The following CASK variants were observed in gnomAD, a reference collection of about 807,000 sequenced individuals.
CASK encodes the protein calcium/calmodulin dependent serine protein kinase, also known as peripheral plasma membrane protein CASK.
Under a neutral mutation model 82.9 loss-of-function variants are expected in CASK, and 4 were observed. The ratio of observed to expected loss-of-function variants is 0.05; its 90% CI spans 0.02 to 0.11. The LOEUF is 0.11. Ranked by LOEUF, CASK falls within the 10% of genes least tolerant of loss-of-function variation. CASK has a pLI of 1.00. For missense variants in CASK, 358 were observed against 720.9 expected (o/e 0.50, Z 5.76); for synonymous variants, 259 against 253.5 (o/e 1.02, Z -0.20).
At chrX:41,865,372 C>CT (rs1480497064) in intron 1 of CASK, among the ~76,000 whole-genome samples, 2 of 110,283 alleles carry the variant, frequency 1.8e-5, no homozygotes, top group Admixed American at 1.9e-4. Flanking sequence ...ATTCTTGACC[C>CT]TTTTTTTTTC....
intron 12 of CASK, among the ~76,000 whole-genome samples, chrX:41,604,853 G>A (rs1466597942): frequency 1.8e-5 from 2 of 112,161 alleles, no homozygotes; most frequent in African/African-American, 3.2e-5. Flanking sequence ...CAAATATTTA[G>A]AGTTTTCTGT....
intron 3 of CASK, among the ~76,000 whole-genome samples, chrX:41,749,225 G>C (rs2068745695): frequency 1.9e-5 from 2 of 107,887 alleles, no homozygotes; most frequent in South Asian, 4.3e-4. Context: ...GGAAGCAGAG[G>C]TTGCAGTGAG....
intron 2 of CASK, among the ~76,000 whole-genome samples, chrX:41,848,925 C>G (rs1261653268): frequency 8.9e-6 from 1 of 111,857 alleles, no homozygotes; most frequent in African/African-American, 3.3e-5. Flanking sequence ...TAAATTATTC[C>G]TGGATAGCTG....
intron 2 of CASK, among the ~76,000 whole-genome samples, chrX:41,830,466 A>T (rs1488363506): frequency 1.8e-5 from 2 of 111,484 alleles, no homozygotes; most frequent in Non-Finnish European, 3.8e-5. Flanking sequence ...ATTAATAGCA[A>T]GCTGTACAAC....
At chrX:41,629,723 T>C (rs1325409783) in intron 9 of CASK, among the ~76,000 whole-genome samples, 2 of 112,265 alleles carry the variant, frequency 1.8e-5, no homozygotes, top group African/African-American at 6.5e-5. Flanking sequence ...TACTTTGCTA[T>C]GTTCTAATAA....
chrX:41,847,523 C>T (rs1024475152), intron 2 of CASK, among the ~76,000 whole-genome samples: 12 of 111,861 alleles, frequency 1.1e-4, no homozygotes, highest in African/African-American at 3.6e-4. Context: ...GTAAGTCCAA[C>T]ATCTGGGTTT....
chrX:41,793,382 G>A (rs2069777454), intron 2 of CASK, among the ~76,000 whole-genome samples: 1 of 111,228 alleles, frequency 9.0e-6, no homozygotes, highest in Admixed American at 9.6e-5. Flanking sequence ...GTGCCTCCTG[G>A]GTCTGCATAG....
At chrX:41,629,375 G>A (rs1249482258) in intron 9 of CASK, among the ~76,000 whole-genome samples, 3 of 111,623 alleles carry the variant, frequency 2.7e-5, no homozygotes, top group Admixed American at 9.5e-5. Context: ...AATAGGTCAC[G>A]GATTCATATA....
chrX:41,918,285 G>C (rs1192408816), intron 1 of CASK, among the ~76,000 whole-genome samples: 3 of 111,899 alleles, frequency 2.7e-5, no homozygotes, highest in Non-Finnish European at 5.6e-5. Context: ...GAATTTTTCT[G>C]TATGCTGAAT....
chrX:41,766,100 A>G (rs2069109097), intron 3 of CASK, among the ~76,000 whole-genome samples: 2 of 111,944 alleles, frequency 1.8e-5, no homozygotes, highest in South Asian at 3.7e-4. Flanking sequence ...TAAAAAAACA[A>G]ACTGAAACAA....
intron 5 of CASK, among the ~76,000 whole-genome samples, chrX:41,698,535 A>C (rs1279221400): frequency 9.0e-6 from 1 of 111,657 alleles, no homozygotes; most frequent in East Asian, 2.8e-4. Context: ...AAGGGAAGGA[A>C]GGGGTGCTTA....
intron 2 of CASK, among the ~76,000 whole-genome samples, chrX:41,791,452 G>A (rs945600551): frequency 5.4e-5 from 6 of 110,690 alleles, no homozygotes; most frequent in Non-Finnish European, 9.4e-5. Context: ...GCTGGGTGCA[G>A]TGGCTCACAC....
chrX:41,601,922 G>C (rs1215610611), intron 12 of CASK, among the ~76,000 whole-genome samples: 4 of 111,014 alleles, frequency 3.6e-5, no homozygotes, highest in African/African-American at 1.3e-4. Flanking sequence ...CCATGTAATT[G>C]CATTGGCAAT....
intron 1 of CASK, among the ~76,000 whole-genome samples, chrX:41,897,181 C>T (rs961050732): frequency 2.7e-5 from 3 of 111,681 alleles, no homozygotes; most frequent in African/African-American, 9.7e-5. Flanking sequence ...TCCTTGTCTT[C>T]CTAATCTTAG....
At chrX:41,700,694 C>T (rs998898215) in intron 5 of CASK, among the ~76,000 whole-genome samples, 2 of 104,651 alleles carry the variant, frequency 1.9e-5, no homozygotes, top group East Asian at 6.1e-4. Context: ...ATTCTTCTGC[C>T]TCAGCCTTTG....
At chrX:41,667,451 G>T (rs1405720516) in intron 6 of CASK, among the ~76,000 whole-genome samples, 1 of 111,918 alleles carries the variant, frequency 8.9e-6, no homozygotes, top group East Asian at 2.8e-4. Context: ...GGCAGTTTGA[G>T]ATATTTTGGA....
intron 5 of CASK, among the ~76,000 whole-genome samples, chrX:41,721,721 TC>T (rs1264735260): frequency 9.0e-6 from 1 of 111,681 alleles, no homozygotes; most frequent in Non-Finnish European, 1.9e-5. Context: ...AGCCTCAATT[TC>T]CTCCCGTGTA....
At position 41,560,354 on chromosome X, in the gene CASK, T is replaced by C. The variant is rs758978651; in HGVS notation, c.1669-507A>G. ...TCTCGGCTCACTGCAAACTCTGCCT[T>C]CCAGGTTCCAGTGATTCTCCTGCCT... On this transcript the variant is annotated intron_variant, in intron 17 of 26. Transcript: ENST00000378163. Among the ~76,000 whole-genome samples the C allele has an allele frequency of 5.5e-3, 602 of 109,532 alleles. 5 individuals are homozygous for C. Among genetic ancestry groups the C allele is most frequent in the African/African-American group, 0.019 (577 of 30,186 alleles).
chrX:41,612,552 A>G (rs1191784560), intron 11 of CASK, among the ~76,000 whole-genome samples: 1 of 97,171 alleles, frequency 1.0e-5, no homozygotes, highest in Non-Finnish European at 2.1e-5. Flanking sequence ...CCGCCCGGCC[A>G]GCCGCCCCGT....
Sources: allele counts gnomAD v4.1 joint callset (sites outside exome capture counted in the v4.1 genomes callset), GRCh38; gene constraint gnomAD v4.1.1; transcripts MANE v1.5; gene names NCBI Gene and HGNC (gene_info 2026-07-23, HGNC 2026-07-21).